Variants in MRPS27 observed in about 807,000 individuals in gnomAD.
The protein encoded by MRPS27 is small ribosomal subunit protein mS27.
Under a neutral mutation model 48.9 loss-of-function variants are expected in MRPS27, and 43 were observed. The ratio of observed to expected loss-of-function variants is 0.88; its 90% CI spans 0.69 to 1.13. MRPS27 has a LOEUF of 1.13. Among genes scored for constraint, MRPS27 ranks in the 50% most tolerant of loss-of-function variants. MRPS27 has a pLI of 0.00. For synonymous variants in MRPS27, 188 were observed against 171.9 expected (o/e 1.09, Z -0.73); for missense variants, 467 against 476.3 (o/e 0.98, Z 0.18).
chr5:72,273,317 G>GT (rs1309093834), intron 4 of MRPS27, among the ~76,000 whole-genome samples: 1 of 152,166 alleles, frequency 6.6e-6, no homozygotes, highest in African/African-American at 2.4e-5. Context: ...AAGTAATTTT[G>GT]TTTTTTAACA....
chr5:72,228,821 A>C (rs944366160), intron 7 of MRPS27: 2 of 153,226 alleles, frequency 1.3e-5, no homozygotes, highest in Non-Finnish European at 2.9e-5. Context: ...TAAAGAATTT[A>C]GCAATGATAA....
intron 4 of MRPS27, among the ~76,000 whole-genome samples, chr5:72,250,385 G>C (rs923294887): frequency 6.6e-6 from 1 of 152,136 alleles, no homozygotes; most frequent in African/African-American, 2.4e-5. Flanking sequence ...GCATTCAAGG[G>C]CCTGTCTGAT....
At chr5:72,288,079 C>G (rs1292283207) in intron 4 of MRPS27, among the ~76,000 whole-genome samples, 1 of 152,122 alleles carries the variant, frequency 6.6e-6, no homozygotes, top group East Asian at 1.9e-4. Flanking sequence ...TCTGGGAAAG[C>G]TAGGTGGAAT....
chr5:72,227,650 A>T (rs968623633), intron 8 of MRPS27: 3 of 152,286 alleles, frequency 2.0e-5, no homozygotes, highest in Non-Finnish European at 4.4e-5. Context: ...ATTTACCCAG[A>T]TTCCACACAA....
chr5:72,299,062 A>G (rs1308015335), intron 2 of MRPS27, among the ~76,000 whole-genome samples: 2 of 152,146 alleles, frequency 1.3e-5, no homozygotes, highest in African/African-American at 2.4e-5. Context: ...AGTGGGTGGT[A>G]AGCACTGGGT....
intron 4 of MRPS27, among the ~76,000 whole-genome samples, chr5:72,247,492 T>C (rs1270007083): frequency 6.6e-6 from 1 of 152,120 alleles, no homozygotes; most frequent in Non-Finnish European, 1.5e-5. Context: ...CACCATATGG[T>C]ACCCACTTTG....
intron 4 of MRPS27, among the ~76,000 whole-genome samples, chr5:72,263,653 G>A (rs1749038570): frequency 6.6e-6 from 1 of 151,218 alleles, no homozygotes; most frequent in Middle Eastern, 3.4e-3. Flanking sequence ...ACCTGAAAAG[G>A]TACTCAACAT....
intron 4 of MRPS27, among the ~76,000 whole-genome samples, chr5:72,259,146 T>A (rs1469127593): frequency 1.3e-5 from 2 of 152,060 alleles, no homozygotes; most frequent in Non-Finnish European, 2.9e-5. Flanking sequence ...CTCCTAAATA[T>A]CTGTTAGCCT....
chr5:72,298,531 C>A (rs748902486), intron 2 of MRPS27, among the ~76,000 whole-genome samples: 23 of 151,560 alleles, frequency 1.5e-4, no homozygotes, highest in Non-Finnish European at 3.1e-4. Context: ...AAGGTGAAAC[C>A]CCGTCTCTAC....
intron 5 of MRPS27, among the ~76,000 whole-genome samples, chr5:72,236,647 C>A (rs143640297): frequency 1.3e-5 from 2 of 152,108 alleles, no homozygotes; most frequent in Non-Finnish European, 2.9e-5. Context: ...AGGGACCTAG[C>A]TCAATCTTTT....
intron 7 of MRPS27, among the ~76,000 whole-genome samples, chr5:72,230,265 G>T (rs1982193): frequency 0.26 from 39,790 of 152,004 alleles, 5,365 homozygotes; most frequent in East Asian, 0.42. Context: ...TGCCTTCAAA[G>T]TTTTTCCATT....
chr5:72,234,837 C>A (rs1187962187), intron 5 of MRPS27, among the ~76,000 whole-genome samples: 2 of 152,082 alleles, frequency 1.3e-5, no homozygotes, highest in East Asian at 1.9e-4. Context: ...GGGCACAAAA[C>A]CCTGAATTTT....
chr5:72,223,255 G>A (rs1390469013), intron 10 of MRPS27, among the ~76,000 whole-genome samples: 1 of 152,158 alleles, frequency 6.6e-6, no homozygotes, highest in African/African-American at 2.4e-5. Flanking sequence ...AGATGCCCAC[G>A]TCTTATCTCT....
chr5:72,262,159 T>C lies in MRPS27; in HGVS notation c.282-24031A>G, dbSNP rs530461600. Among the ~76,000 whole-genome samples, 8 of 152,298 alleles carry C rather than the reference T, an allele frequency of 5.3e-5. No individual in the cohort carries two copies. The East Asian group carries it at 1.3e-3, about 26-fold the overall frequency. ...TGGCCTTTAACTCTCTGGCGAGCTA[T>C]TTGCTAGCTAGCTGTGTGTATTTTG... On this transcript the variant is annotated intron_variant, in intron 4 of 10. Coordinates refer to ENST00000261413, the MANE Select transcript of MRPS27 (RefSeq NM_015084.3).
intron 9 of MRPS27, 44 bp from the exon 10 acceptor site, chr5:72,223,894 C>A: frequency 6.3e-7 from 1 of 1,592,388 alleles, no homozygotes; most frequent in Non-Finnish European, 8.6e-7. Context: ...TTTTATGGCC[C>A]AAAAGCACAT....
Position 72,314,131 on chromosome 5 carries a change from T to C in MRPS27, c.101A>G (p.Tyr34Cys). 1 of 1,613,132 alleles carries C rather than the reference T, an allele frequency of 6.2e-7. No individual in the cohort carries two copies. Among genetic ancestry groups the C allele is most frequent in the Non-Finnish European group, 8.5e-7 (1 of 1,179,428 alleles). ...AGKRYLLSSA[Y>C]VDSHKWEARE... ...TGCTTCCCATTTGTGGCTGTCTACA[T>C]AGGCTGAAGAAAGCAGGTATCTTTT... Residue 34 changes from tyrosine (Y) to cysteine (C), a missense_variant, in exon 2 of 11, where the codon TAT (tyrosine) becomes TGT (cysteine). Transcript: ENST00000261413.
At chr5:72,277,391 C>A (rs1170888551) in intron 4 of MRPS27, among the ~76,000 whole-genome samples, 1 of 152,022 alleles carries the variant, frequency 6.6e-6, no homozygotes, top group Non-Finnish European at 1.5e-5. Flanking sequence ...ATAAATCATT[C>A]TATTATAAAG....
intron 4 of MRPS27, among the ~76,000 whole-genome samples, chr5:72,269,622 T>G (rs1749184192): frequency 6.6e-6 from 1 of 152,194 alleles, no homozygotes; most frequent in South Asian, 2.1e-4. Context: ...AAAATAAAGA[T>G]AGCATATTAT....
At chr5:72,257,119 C>T (rs902946511) in intron 4 of MRPS27, among the ~76,000 whole-genome samples, 2 of 152,184 alleles carry the variant, frequency 1.3e-5, no homozygotes, top group Non-Finnish European at 2.9e-5. Context: ...CTCCACCCTC[C>T]ACCCAATTTT....
Sources: gnomAD v4.1 joint callset for allele counts (sites outside exome capture counted in the v4.1 genomes callset) on GRCh38, gnomAD v4.1.1 for gene constraint, MANE v1.5 for transcripts, NCBI Gene and HGNC (gene_info 2026-07-23, HGNC 2026-07-21) for gene names.